Variants in ARID3A observed in about 807,000 individuals in gnomAD.
The protein encoded by ARID3A is AT-rich interaction domain 3A.
ARID3A carries 11 observed loss-of-function variants against 52.7 expected under a neutral mutation model. That is an observed-to-expected ratio of 0.21 (90% CI 0.13 to 0.35). The LOEUF (loss-of-function observed/expected upper bound fraction) is 0.35. ARID3A is among the 10% of genes least tolerant of loss of function. ARID3A has a pLI of 1.00. For synonymous variants in ARID3A, 404 were observed against 359.4 expected (o/e 1.12, Z -1.40); for missense variants, 721 against 838.5 (o/e 0.86, Z 1.73).
rs765694286 is a variant in ARID3A, at chr19:932,782, TCCTGGGCCAGTGGGGCCCTTTGAAGG to T, written c.693+43_693+68del. 11 of 1,545,072 alleles carry T rather than the reference TCCTGGGCCAGTGGGGCCCTTTGAAGG, an allele frequency of 7.1e-6. No individual in the cohort carries two copies. In the South Asian group the frequency reaches 1.2e-4, roughly 17 times the overall value. On this transcript the variant is annotated intron_variant, in intron 3 of 8. Transcript: ENST00000263620. Reference sequence around the variant, plus strand: ...CCCGCGTGGCGGCTGAGGCACCTGCTCCTGGGCCAGTGGGGCCCTTTGAAGGCCCACGTTGCACGGGGTGTGTGCTG... The same window carrying T: ...CCCGCGTGGCGGCTGAGGCACCTGCTCCCACGTTGCACGGGGTGTGTGCTG...
In ARID3A at chr19:960,107, G is replaced by A. The variant is rs752740985; in HGVS notation, c.709G>A (p.Gly237Arg). 3.1e-6 allele frequency: 5 copies of A among 1,612,916 alleles called. No individual in the cohort carries two copies. The highest frequency in any genetic ancestry group is 1.3e-5 in the African/African-American group (1 of 74,838). ...EQFKQLYELD[G>R]DPKRKEFLDD... is the part of the protein sequence containing the mutation. ...ACCCTCACAGCTCTACGAACTCGAC[G>A]GGGACCCCAAGAGGAAGGAATTCCT... The change falls in exon 4 of 9, where the codon GGG becomes AGG. Residue 237 changes from glycine to arginine, a missense_variant. Coordinates refer to ENST00000263620, the MANE Select transcript of ARID3A (RefSeq NM_005224.3). The surrounding 1 kb of genome is among the most constrained non-coding windows in gnomAD (Gnocchi z 4.3).
At chr19:958,014 A>AG (rs754700710) in intron 3 of ARID3A, 2 of 151,836 alleles carry the variant, frequency 1.3e-5, no homozygotes, top group African/African-American at 2.4e-5. Context: ...CAGGAGGCTG[A>AG]GGGGGGAGAA....
At chr19:949,268 A>AG (rs1015974290) in intron 3 of ARID3A, among the ~76,000 whole-genome samples, 6 of 151,694 alleles carry the variant, frequency 4.0e-5, no homozygotes, top group Non-Finnish European at 1.5e-5. Context: ...GCCTGTGTGG[A>AG]GGGGGAGGTG....
intron 3 of ARID3A, among the ~76,000 whole-genome samples, chr19:952,863 G>A (rs1173554598): frequency 2.6e-5 from 4 of 152,102 alleles, no homozygotes; most frequent in Non-Finnish European, 4.4e-5. Flanking sequence ...CAGCTGCTGG[G>A]ACCTGGTGGG....
Position 960,771 on chromosome 19 carries a change from G to A in ARID3A, c.766+607G>A, listed in dbSNP as rs1314357943. On this transcript the variant is annotated intron_variant, in intron 4 of 8. Coordinates refer to ENST00000263620, the MANE Select transcript of ARID3A (RefSeq NM_005224.3). The surrounding 1 kb of genome is among the most constrained non-coding windows in gnomAD (Gnocchi z 4.3). ...CCCCAGATGTGCTGAGTGCAGGGCC[G>A]CTGTTTACTGTGCACACTTATTGGG... Among the ~76,000 whole-genome samples the A allele has an allele frequency of 2.0e-5, 3 of 152,150 alleles. No individual in the cohort carries two copies. Among genetic ancestry groups the A allele is most frequent in the African/African-American group, 4.8e-5 (2 of 41,418 alleles).
In ARID3A at chr19:960,817, C is replaced by A. The variant is rs1599419500; in HGVS notation, c.766+653C>A. Among the ~76,000 whole-genome samples the A allele has an allele frequency of 6.6e-6, 1 of 152,188 alleles. No individual in the cohort carries two copies. The highest frequency in any genetic ancestry group is 1.5e-5 in the Non-Finnish European group (1 of 68,022). ...TTGGGCACCAACGGTATACCAGGCT[C>A]TGTGCCCCCAAAGTCTCCTGGCCTA... is the stretch of plus-strand genomic sequence containing the variant. On this transcript the variant is annotated intron_variant, in intron 4 of 8. Coordinates refer to ENST00000263620, the MANE Select transcript of ARID3A (RefSeq NM_005224.3). The surrounding 1 kb of genome is among the most constrained non-coding windows in gnomAD (Gnocchi z 4.3).
chr19:957,895 G>C (rs2037955211), intron 3 of ARID3A: 1 of 151,650 alleles, frequency 6.6e-6, no homozygotes, highest in African/African-American at 2.4e-5. Flanking sequence ...CGGATCACTT[G>C]AGGTCAGGAG....
chr19:953,005 TTC>T (rs1236838599), intron 3 of ARID3A, among the ~76,000 whole-genome samples: 4 of 152,118 alleles, frequency 2.6e-5, no homozygotes, highest in African/African-American at 4.8e-5. Context: ...GGCCACCCTC[TTC>T]TGTCCTGGCC....
At chr19:957,118 G>A (rs914151846) in intron 3 of ARID3A, among the ~76,000 whole-genome samples, 5 of 152,154 alleles carry the variant, frequency 3.3e-5, no homozygotes, top group Admixed American at 6.5e-5. Context: ...GTGGGTGGGG[G>A]GGGGCGCTGG....
At position 975,356 on chromosome 19, in the gene ARID3A, G is replaced by T; in HGVS notation, c.*3291G>T. The T allele has an allele frequency of 4.3e-6, 1 of 232,382 alleles. No homozygotes were observed. Among genetic ancestry groups the T allele is most frequent in the Non-Finnish European group, 8.5e-6 (1 of 117,540 alleles). The allele number at this position is 232,382 out of a possible 1,614,324, so 14.4% of individuals were successfully genotyped here. A position where few individuals can be genotyped will look rare whatever the true frequency, so the allele number is the denominator to read the frequency against. On this transcript the variant is annotated 3_prime_UTR_variant, in exon 9 of 9. Coordinates refer to ENST00000263620, the MANE Select transcript of ARID3A (RefSeq NM_005224.3). ...GGCTGTCCAGAAAGGCGGGAGGGTG[G>T]GCACGGGGCACGGGGGGCAGCTGGG...
At chr19:936,828 G>C (rs1274834276) in intron 3 of ARID3A, among the ~76,000 whole-genome samples, 1 of 152,134 alleles carries the variant, frequency 6.6e-6, no homozygotes, top group Admixed American at 6.6e-5. Context: ...GTGGCAGAGA[G>C]AGATTCTGTC....
Position 957,829 on chromosome 19 carries a change from G to A in ARID3A, c.694-2263G>A, listed in dbSNP as rs186933278. On this transcript the variant is annotated intron_variant, in intron 3 of 8. Transcript: ENST00000263620. ...ACTGCACTCCAGGCTGGGCAACAGAGTGAGACCCTGTCTCCAAAAACAAAC... is the reference window on the plus strand; with the variant it reads ...ACTGCACTCCAGGCTGGGCAACAGAATGAGACCCTGTCTCCAAAAACAAAC... 3.3e-3 allele frequency among the ~76,000 whole-genome samples: 501 copies of A among 152,234 alleles called. 5 individuals are homozygous for A. Among genetic ancestry groups the A allele is most frequent in the African/African-American group, 0.012 (491 of 41,528 alleles).
chr19:971,827 C>G (rs1229214943), intron 8 of ARID3A, 51 bp from the exon 9 acceptor site: 3 of 1,545,250 alleles, frequency 1.9e-6, no homozygotes, highest in Non-Finnish European at 8.7e-7. Context: ...TGTGGCCCGC[C>G]TCGCATCTTC....
intron 2 of ARID3A, 112 bp downstream of exon 2, chr19:930,008 A>G (rs1188773977): frequency 1.4e-6 from 2 of 1,437,042 alleles, no homozygotes; most frequent in East Asian, 5.1e-5. Flanking sequence ...TCCTTCCTGT[A>G]ATTCCAGCAG....
At chr19:949,158 C>T (rs1257678027) in intron 3 of ARID3A, among the ~76,000 whole-genome samples, 3 of 152,278 alleles carry the variant, frequency 2.0e-5, no homozygotes, top group East Asian at 3.9e-4. Flanking sequence ...GTGTGGACCC[C>T]TCCCTGCCTC....
At position 975,130 on chromosome 19, in the gene ARID3A, A is replaced by AC. The variant is rs942467044; in HGVS notation, c.*3072dup. 4.4e-5 allele frequency: 10 copies of AC among 229,480 alleles called. No homozygotes were observed. Among genetic ancestry groups the AC allele is most frequent in the African/African-American group, 1.6e-4 (7 of 44,620 alleles). 14.2% of individuals were successfully genotyped at this position (229,480 alleles called of 1,614,324 possible). A position where few individuals can be genotyped will look rare whatever the true frequency, so the allele number is the denominator to read the frequency against. ...GTGGCTTTCTGGGGTGCAGCTCAGC[A>AC]CCCCCCCTTATGCAGACTGGGAGGG... On this transcript the variant is annotated 3_prime_UTR_variant, in exon 9 of 9. Transcript: ENST00000263620.
chr19:969,495 C>T (rs1224979682), intron 8 of ARID3A, among the ~76,000 whole-genome samples: 1 of 151,616 alleles, frequency 6.6e-6, no homozygotes, highest in Non-Finnish European at 1.5e-5. Context: ...CAAGATCACA[C>T]CATTGCACTC....
intron 3 of ARID3A, among the ~76,000 whole-genome samples, chr19:953,593 C>T (rs1000205594): frequency 1.3e-5 from 2 of 152,182 alleles, no homozygotes; most frequent in African/African-American, 4.8e-5. Flanking sequence ...GGGCGTGCAA[C>T]CTTCTGGGAA....
At chr19:963,798 G>C (rs2038091067) in intron 4 of ARID3A, among the ~76,000 whole-genome samples, 1 of 152,186 alleles carries the variant, frequency 6.6e-6, no homozygotes, top group African/African-American at 2.4e-5. Context: ...CTCCAGACTT[G>C]AAATTGGGTA....
Sources: gnomAD v4.1 joint callset for allele counts (sites outside exome capture counted in the v4.1 genomes callset) on GRCh38, gnomAD v4.1.1 for gene constraint, Gnocchi (gnomAD v3.1) non-coding constraint, MANE v1.5 for transcripts, NCBI Gene and HGNC (gene_info 2026-07-23, HGNC 2026-07-21) for gene names.